The following PPP1R1C variants were observed in gnomAD, a reference collection of about 807,000 sequenced individuals.
PPP1R1C encodes the protein protein phosphatase 1 regulatory subunit 1C.
PPP1R1C carries 15 observed loss-of-function variants against 17.4 expected under a neutral mutation model. The observed-to-expected ratio is 0.86, with a 90% CI of 0.58 to 1.33. PPP1R1C has a LOEUF of 1.33. Among genes scored for constraint, PPP1R1C ranks in the 40% most tolerant of loss-of-function variants. The pLI is 0.00. For missense variants in PPP1R1C, 143 were observed against 130.0 expected, an observed-to-expected ratio of 1.10 and a Z score of -0.48; for synonymous variants, 35 against 43.1, an observed-to-expected ratio of 0.81 and a Z score of 0.73.
intron 2 of PPP1R1C, among the ~76,000 whole-genome samples, chr2:182,044,310 A>G (rs929232645): frequency 6.6e-6 from 1 of 152,192 alleles, no homozygotes; most frequent in Non-Finnish European, 1.5e-5. Flanking sequence ...TACAGTTTCA[A>G]ATCCCTGAAT....
intron 4 of PPP1R1C, among the ~76,000 whole-genome samples, chr2:182,105,932 G>C (rs961902040): frequency 1.3e-5 from 2 of 152,188 alleles, no homozygotes; most frequent in African/African-American, 4.8e-5. Flanking sequence ...CACAGTTTTG[G>C]AGACCAGAAC....
At chr2:182,125,142 A>G (rs1689843886) in intron 5 of PPP1R1C, among the ~76,000 whole-genome samples, 1 of 152,138 alleles carries the variant, frequency 6.6e-6, no homozygotes, top group Non-Finnish European at 1.5e-5. Flanking sequence ...CTTTTTCTGC[A>G]TCTATTGAGA....
chr2:182,100,983 G>A (rs1216881596), intron 4 of PPP1R1C, among the ~76,000 whole-genome samples: 1 of 152,184 alleles, frequency 6.6e-6, no homozygotes, highest in East Asian at 1.9e-4. Flanking sequence ...CTGAAAGAAG[G>A]GGAGTGGGGA....
Position 182,016,167 on chromosome 2 carries a change from C to T in PPP1R1C, c.142+28268C>T, listed in dbSNP as rs191258611. Among the ~76,000 whole-genome samples, 57 of 152,260 alleles carry T rather than the reference C, an allele frequency of 3.7e-4. No individual in the cohort carries two copies. In the East Asian group the frequency reaches 5.6e-3, roughly 15 times the overall value. On this transcript the variant is annotated intron_variant, in intron 2 of 4. Transcript: ENST00000682840. ...ATGCCCCCTCCATGGGCATCCAATGCGAAGACTCACAATCTCTGAACTCTC... is the reference window on the plus strand; with the variant it reads ...ATGCCCCCTCCATGGGCATCCAATGTGAAGACTCACAATCTCTGAACTCTC...
chr2:182,117,026 A>G (rs952723246), intron 4 of PPP1R1C, among the ~76,000 whole-genome samples, 181 bp from the exon 5 acceptor site: 3 of 152,186 alleles, frequency 2.0e-5, no homozygotes, highest in Admixed American at 6.6e-5. Flanking sequence ...TCAGCTGGGT[A>G]TGTTTTTATT....
intron 2 of PPP1R1C, among the ~76,000 whole-genome samples, chr2:182,055,149 T>G (rs1687643486): frequency 6.6e-6 from 1 of 152,224 alleles, no homozygotes; most frequent in Non-Finnish European, 1.5e-5. Context: ...GTAACATTTC[T>G]GAGTGTATCT....
At chr2:182,079,720 A>C (rs1392529889) in intron 4 of PPP1R1C, among the ~76,000 whole-genome samples, 1 of 152,196 alleles carries the variant, frequency 6.6e-6, no homozygotes, top group Non-Finnish European at 1.5e-5. Context: ...ATGTCTAAAA[A>C]CCAAGGTATC....
At chr2:182,112,389 C>A (rs1689467476) in intron 4 of PPP1R1C, among the ~76,000 whole-genome samples, 1 of 152,090 alleles carries the variant, frequency 6.6e-6, no homozygotes, top group South Asian at 2.1e-4. Flanking sequence ...AAAATCATGA[C>A]AACCACAATA....
chr2:182,119,496 G>T (rs965499607), downstream of PPP1R1C, among the ~76,000 whole-genome samples: 1 of 152,162 alleles, frequency 6.6e-6, no homozygotes, highest in African/African-American at 2.4e-5. Context: ...CTTCCACAAT[G>T]GTTGAACTAG....
At chr2:182,011,701 T>A (rs1686091439) in intron 2 of PPP1R1C, among the ~76,000 whole-genome samples, 1 of 152,066 alleles carries the variant, frequency 6.6e-6, no homozygotes, top group Non-Finnish European at 1.5e-5. Flanking sequence ...TTAAGATGCA[T>A]TGTAAGGTTG....
At chr2:182,018,760 G>A (rs888404843) in intron 2 of PPP1R1C, among the ~76,000 whole-genome samples, 1 of 152,296 alleles carries the variant, frequency 6.6e-6, no homozygotes, top group African/African-American at 2.4e-5. Flanking sequence ...GTGTAGGAAC[G>A]AATGATAAGG....
intron 4 of PPP1R1C, chr2:182,064,113 GC>G (rs1375964862): frequency 6.5e-5 from 19 of 290,650 alleles, no homozygotes; most frequent in Non-Finnish European, 1.2e-4. Flanking sequence ...AATTACTCTT[GC>G]CAGTGTTGGC....
chr2:181,995,291 G>A (rs967202808), intron 2 of PPP1R1C, among the ~76,000 whole-genome samples: 47 of 152,300 alleles, frequency 3.1e-4, no homozygotes, highest in African/African-American at 1.1e-3. Flanking sequence ...CTTTGGGGAG[G>A]CAGACATGTA....
intron 2 of PPP1R1C, among the ~76,000 whole-genome samples, chr2:182,054,707 C>G (rs1687629433): frequency 6.6e-6 from 1 of 151,990 alleles, no homozygotes; most frequent in African/African-American, 2.4e-5. Context: ...GTCACCCAGG[C>G]TAGAATGCAG....
At chr2:181,987,711 T>C in intron 1 of PPP1R1C, 128 bp from the exon 2 acceptor site, 2 of 810,628 alleles carry the variant, frequency 2.5e-6, no homozygotes, top group South Asian at 1.6e-5. Flanking sequence ...GCACCTTCCA[T>C]GTGTCCTCCA....
At chr2:182,063,645 C>A (rs1267938595) in intron 3 of PPP1R1C, 86 bp from the exon 4 acceptor site, 9 of 984,700 alleles carry the variant, frequency 9.1e-6, no homozygotes, top group Admixed American at 1.7e-5. Flanking sequence ...CATAACATGG[C>A]ACAGTATTTA....
In PPP1R1C at chr2:182,076,197, C is replaced by CTTTTTTTTTTTTTTTTTTT. The variant is rs1165789924; in HGVS notation, c.241+12429_241+12447dup. Among the ~76,000 whole-genome samples, 63 of 25,864 alleles carry CTTTTTTTTTTTTTTTTTTT rather than the reference C, an allele frequency of 2.4e-3. 21 individuals carry two copies. The highest frequency in any genetic ancestry group is 4.4e-3 in the East Asian group (3 of 676). The allele number at this position is 25,864 out of a possible 152,430, so 17.0% of individuals were successfully genotyped here. A position where few individuals can be genotyped will look rare whatever the true frequency, so the allele number is the denominator to read the frequency against. ...GATTTTGAACTTTTTTTTTTCTTTTCTTTTTTTTTTTTTTTTTTTTTTTTT... is the reference window on the plus strand; with the variant it reads ...GATTTTGAACTTTTTTTTTTCTTTTCTTTTTTTTTTTTTTTTTTTTTTTTTTTTTTTTTTTTTTTTTTTT... On this transcript the variant is annotated intron_variant, in intron 4 of 4. Transcript: ENST00000682840.
rs2125238198 is a variant in PPP1R1C at position 182,117,469 on chromosome 2, G to A, written c.*174G>A. 1 of 522,936 alleles carries A rather than the reference G, an allele frequency of 1.9e-6. No homozygotes were observed. The highest frequency in any genetic ancestry group is 3.4e-6 in the Non-Finnish European group (1 of 291,914). 32.4% of individuals were successfully genotyped at this position (522,936 alleles called of 1,614,324 possible). ...CTCCTTGACTGAACTTTAGAACTAA[G>A]TACACATTGTTCCACATCACTTATA... On this transcript the variant is annotated 3_prime_UTR_variant, in exon 5 of 5. Transcript: ENST00000682840.
At chr2:182,040,139 A>G (rs1687138010) in intron 2 of PPP1R1C, among the ~76,000 whole-genome samples, 1 of 152,140 alleles carries the variant, frequency 6.6e-6, no homozygotes, top group Non-Finnish European at 1.5e-5. Context: ...TTTTTGATAT[A>G]TTCACTTCTT....
Sources: gnomAD v4.1 joint callset for allele counts (sites outside exome capture counted in the v4.1 genomes callset) on GRCh38, gnomAD v4.1.1 for gene constraint, MANE v1.5 for transcripts, NCBI Gene and HGNC (gene_info 2026-07-23, HGNC 2026-07-21) for gene names.